IL1RAPL1: variants seen among roughly 807,000 people sequenced by gnomAD.
IL1RAPL1 encodes interleukin 1 receptor accessory protein like 1.
A neutral mutation model predicts 48.4 loss-of-function variants in IL1RAPL1; 3 were observed. That is an observed-to-expected ratio of 0.06 (90% confidence interval 0.03 to 0.16). The LOEUF (loss-of-function observed/expected upper bound fraction) is 0.16, where lower values mean the gene tolerates loss of function less well. Among genes scored for constraint, IL1RAPL1 ranks in the 10% least tolerant of loss-of-function variants. IL1RAPL1 has a pLI of 1.00. For synonymous variants in IL1RAPL1, 185 were observed against 187.7 expected (o/e 0.99, Z 0.12); for missense variants, 349 against 530.6 (o/e 0.66, Z 3.36).
At chrX:29,309,431 A>G (rs993543351) in intron 3 of IL1RAPL1, among the ~76,000 whole-genome samples, 7 of 111,693 alleles carry the variant, frequency 6.3e-5, no homozygotes, top group African/African-American at 2.3e-4. Flanking sequence ...GGTGCTTGAG[A>G]AAGACATTCC....
At chrX:28,988,618 G>A (rs1345178048) in intron 2 of IL1RAPL1, among the ~76,000 whole-genome samples, 1 of 111,800 alleles carries the variant, frequency 8.9e-6, no homozygotes, top group Admixed American at 9.5e-5. Flanking sequence ...CTGGAGATTA[G>A]GGGACCTGGA....
intron 6 of IL1RAPL1, among the ~76,000 whole-genome samples, chrX:29,722,445 G>A (rs1448593200): frequency 8.9e-6 from 1 of 112,140 alleles, no homozygotes; most frequent in Non-Finnish European, 1.9e-5. Flanking sequence ...CAATATATCT[G>A]AATCTTTTGT....
Position 28,727,853 on chromosome X carries a change from A to G in IL1RAPL1, c.-24-61467A>G, listed in dbSNP as rs768738717. 7.1e-3 allele frequency among the ~76,000 whole-genome samples: 769 copies of G among 108,247 alleles called. 12 individuals carry two copies. Among genetic ancestry groups the G allele is most frequent in the African/African-American group, 0.024 (714 of 29,597 alleles). The allele number at this position is 108,247 out of a possible 115,157, so 94.0% of individuals were successfully genotyped here. Reference sequence around the variant, plus strand: ...CCAAACGCCGCATATTCTCACTCATAGGTGGGAATTGAACAATGAGATCAC... The same window carrying G: ...CCAAACGCCGCATATTCTCACTCATGGGTGGGAATTGAACAATGAGATCAC... On this transcript the variant is annotated intron_variant, in intron 1 of 10. Transcript: ENST00000378993.
At chrX:29,289,083 T>C (rs1932332355) in intron 3 of IL1RAPL1, among the ~76,000 whole-genome samples, 1 of 112,061 alleles carries the variant, frequency 8.9e-6, no homozygotes, top group Non-Finnish European at 1.9e-5. Context: ...AGTGGACAGA[T>C]TGCAAAAATT....
intron 5 of IL1RAPL1, among the ~76,000 whole-genome samples, chrX:29,406,356 TCCAGA>T (rs1934069791): frequency 9.3e-6 from 1 of 107,425 alleles, no homozygotes; most frequent in African/African-American, 3.4e-5. Flanking sequence ...GACACTGCAC[TCCAGA>T]CTGGGCGACA....
At chrX:29,304,538 A>G in intron 3 of IL1RAPL1, among the ~76,000 whole-genome samples, 1 of 112,203 alleles carries the variant, frequency 8.9e-6, no homozygotes, top group East Asian at 2.8e-4. Context: ...ACTTTGAAAA[A>G]AGAGATGTAT....
chrX:28,784,822 C>T (rs1936459000), intron 1 of IL1RAPL1, among the ~76,000 whole-genome samples: 1 of 110,993 alleles, frequency 9.0e-6, no homozygotes, highest in African/African-American at 3.3e-5. Context: ...AAAGGAGTCT[C>T]AACTTCCCCA....
rs764163406 is a variant in IL1RAPL1, at chrX:28,959,914, T to C, written c.82+170489T>C. 4.7e-3 allele frequency among the ~76,000 whole-genome samples: 530 copies of C among 112,210 alleles called. 4 individuals carry two copies. The highest frequency in any genetic ancestry group is 0.016 in the African/African-American group (499 of 30,946). ...TTTCACTCTACATTTATTTAATAAA[T>C]GAAATGTGCTCTTTTCTGTCCCTGA... On this transcript the variant is annotated intron_variant, in intron 2 of 10. Coordinates refer to ENST00000378993, the MANE Select transcript of IL1RAPL1 (RefSeq NM_014271.4).
intron 2 of IL1RAPL1, among the ~76,000 whole-genome samples, chrX:29,217,758 C>T (rs897526219): frequency 3.9e-4 from 28 of 70,971 alleles, no homozygotes; most frequent in East Asian, 1.8e-3. Context: ...TACATTTTTT[C>T]TCTCTCTCTC....
chrX:28,895,885 G>T (rs978287052), intron 2 of IL1RAPL1, among the ~76,000 whole-genome samples: 2 of 112,199 alleles, frequency 1.8e-5, no homozygotes, highest in African/African-American at 6.5e-5. Flanking sequence ...CTGGGAAGGA[G>T]TCAGTCAGAG....
chrX:28,774,964 C>G (rs893045852), intron 1 of IL1RAPL1, among the ~76,000 whole-genome samples: 2 of 111,689 alleles, frequency 1.8e-5, no homozygotes, highest in African/African-American at 6.5e-5. Context: ...TTATTGTTAT[C>G]TACAAATTAT....
intron 1 of IL1RAPL1, among the ~76,000 whole-genome samples, chrX:28,703,224 C>T (rs1272401361): frequency 1.8e-5 from 2 of 111,391 alleles, no homozygotes; most frequent in African/African-American, 3.3e-5. Context: ...GGCCAGTTTC[C>T]TCAGTAGGCT....
chrX:28,768,177 G>A (rs1569168247), intron 1 of IL1RAPL1, among the ~76,000 whole-genome samples: 1 of 111,311 alleles, frequency 9.0e-6, no homozygotes. Context: ...CAGTTTCGTT[G>A]GAGTTCTAAC....
chrX:29,889,633 A>G (rs1384860841), intron 6 of IL1RAPL1, among the ~76,000 whole-genome samples: 1 of 111,972 alleles, frequency 8.9e-6, no homozygotes, highest in Non-Finnish European at 1.9e-5. Context: ...CCATACATAC[A>G]TGTGTGTATA....
chrX:29,224,675 C>T (rs1347816824), intron 2 of IL1RAPL1, among the ~76,000 whole-genome samples: 1 of 111,605 alleles, frequency 9.0e-6, no homozygotes, highest in Non-Finnish European at 1.9e-5. Flanking sequence ...TTTTTTGTAA[C>T]ATTTCAAAAA....
intron 5 of IL1RAPL1, among the ~76,000 whole-genome samples, chrX:29,658,353 C>T (rs1925746456): frequency 8.9e-6 from 1 of 111,743 alleles, no homozygotes; most frequent in Admixed American, 9.5e-5. Flanking sequence ...TTAACATTAT[C>T]TCCATGTTGA....
chrX:29,927,364 G>T (rs1932899966), intron 8 of IL1RAPL1, among the ~76,000 whole-genome samples: 1 of 111,932 alleles, frequency 8.9e-6, no homozygotes, highest in African/African-American at 3.2e-5. Context: ...CAGTCAGTAG[G>T]ACTGTTTTTA....
At chrX:28,701,940 A>C (rs1045064216) in intron 1 of IL1RAPL1, among the ~76,000 whole-genome samples, 4 of 111,831 alleles carry the variant, frequency 3.6e-5, no homozygotes, top group Non-Finnish European at 1.9e-5. Context: ...AGGTTAATAA[A>C]ATAAAGCAAG....
chrX:28,615,216 T>G (rs867618943), intron 1 of IL1RAPL1, among the ~76,000 whole-genome samples: 63 of 47,604 alleles, frequency 1.3e-3, no homozygotes, highest in East Asian at 2.5e-3. Context: ...TTTTTTTTTT[T>G]TTTTTTTTTT....
Sources: gnomAD v4.1 joint callset for allele counts (sites outside exome capture counted in the v4.1 genomes callset) on GRCh38, gnomAD v4.1.1 for gene constraint, MANE v1.5 for transcripts, NCBI Gene and HGNC (gene_info 2026-07-23, HGNC 2026-07-21) for gene names.